Variants in PKIG observed in about 807,000 individuals in gnomAD.
The protein encoded by PKIG is protein kinase (cAMP-dependent, catalytic) inhibitor gamma.
A neutral mutation model predicts 6.8 loss-of-function variants in PKIG; 1 was observed. That is an observed-to-expected ratio of 0.15 (90% CI 0.05 to 0.69). The LOEUF is 0.69. Among genes scored for constraint, PKIG ranks in the 30% least tolerant of loss-of-function variants. PKIG has a pLI of 0.82. For synonymous variants in PKIG, 39 were observed against 43.0 expected (o/e 0.91, Z 0.36); for missense variants, 77 against 104.0 (o/e 0.74, Z 1.13).
chr20:44,546,564 T>C (rs1235789226), intron 1 of PKIG, among the ~76,000 whole-genome samples: 1 of 151,486 alleles, frequency 6.6e-6, no homozygotes, highest in African/African-American at 2.4e-5. Flanking sequence ...TGAGTTCTTT[T>C]TTTTTTGAGA....
In PKIG at chr20:44,576,116, C is replaced by T. The variant is rs140566024; in HGVS notation, c.-240-6469C>T. ...AGTTCAGAAGACGTGGTGCTTTTTACAAAAAGTATGTTAATGTTTTACCAT... is the reference window on the plus strand; with the variant it reads ...AGTTCAGAAGACGTGGTGCTTTTTATAAAAAGTATGTTAATGTTTTACCAT... On this transcript the variant is annotated intron_variant, in intron 1 of 4. Coordinates refer to the PKIG transcript ENST00000372887. Among the ~76,000 whole-genome samples the T allele has an allele frequency of 8.0e-5, 12 of 150,940 alleles. No homozygotes were observed. The East Asian group carries it at 2.3e-3, about 29-fold the overall frequency.
At position 44,614,805 on chromosome 20, in the gene PKIG, A is replaced by G; in HGVS notation, c.151+98A>G. The G allele has an allele frequency of 2.4e-6, 3 of 1,254,852 alleles. No individual in the cohort carries two copies. The highest frequency in any genetic ancestry group is 3.3e-6 in the Non-Finnish European group (3 of 899,936). The allele number at this position is 1,254,852 out of a possible 1,614,324, so 77.7% of individuals were successfully genotyped here. Reference sequence around the variant, plus strand: ...TCCTAGACTGCCCATACTTTCTTAGAGAAGAAACCACATTTAAGTCAGGCC... The same window carrying G: ...TCCTAGACTGCCCATACTTTCTTAGGGAAGAAACCACATTTAAGTCAGGCC... On this transcript the variant is annotated intron_variant, in intron 3 of 3. Coordinates refer to ENST00000372886, the MANE Select transcript of PKIG (RefSeq NM_001281445.2). The surrounding 1 kb of genome is among the most constrained non-coding windows in gnomAD (Gnocchi z 4.6).
chr20:44,538,109 G>A lies in PKIG; in HGVS notation c.-241+6131G>A, dbSNP rs117166557. ...AGGAACTCTTACAAAATGAAAATTT[G>A]GAGGGTCCAGATGGATTCAGCCCGT... On this transcript the variant is annotated intron_variant, in intron 1 of 4. Coordinates refer to the PKIG transcript ENST00000372887. 3.1e-3 allele frequency among the ~76,000 whole-genome samples: 475 copies of A among 152,260 alleles called. 1 individual carries two copies. Among genetic ancestry groups the A allele is most frequent in the Non-Finnish European group, 5.4e-3 (370 of 68,022 alleles).
intron 1 of PKIG, among the ~76,000 whole-genome samples, chr20:44,564,513 A>G (rs903043757): frequency 1.3e-5 from 2 of 151,162 alleles, no homozygotes; most frequent in Non-Finnish European, 2.9e-5. Flanking sequence ...GCTTCATTTT[A>G]TGTATAAGCT....
chr20:44,574,270 T>C (rs1409715946), intron 1 of PKIG, among the ~76,000 whole-genome samples: 1 of 152,196 alleles, frequency 6.6e-6, no homozygotes, highest in Admixed American at 6.5e-5. Flanking sequence ...CCCAAGGGCA[T>C]ACACTTTTGA....
chr20:44,533,026 A>G (rs1168537853), intron 1 of PKIG, among the ~76,000 whole-genome samples: 2 of 152,178 alleles, frequency 1.3e-5, no homozygotes, highest in African/African-American at 2.4e-5. Context: ...GTGGGAAGCC[A>G]TCAAAGGGTT....
rs1319285529 is a variant in PKIG, at chr20:44,618,990, A to AT, written c.*627dup. ...GACCACCTCTGCCCTGTCCACCAGGATAAGTGACACCTAGGACCCAGGAAA... is the reference window on the plus strand; with the variant it reads ...GACCACCTCTGCCCTGTCCACCAGGATTAAGTGACACCTAGGACCCAGGAAA... On this transcript the variant is annotated 3_prime_UTR_variant, in exon 4 of 4. Transcript: ENST00000372886. 1 of 154,078 alleles carries AT rather than the reference A, an allele frequency of 6.5e-6. No individual in the cohort carries two copies. The highest frequency in any genetic ancestry group is 1.4e-5 in the Non-Finnish European group (1 of 69,042). 9.5% of individuals were successfully genotyped at this position (154,078 alleles called of 1,614,324 possible). A position where few individuals can be genotyped will look rare whatever the true frequency, so the allele number is the denominator to read the frequency against.
chr20:44,618,372 C>T lies in PKIG; in HGVS notation c.*8C>T, dbSNP rs758316165. 1.3e-5 allele frequency: 21 copies of T among 1,598,084 alleles called. No homozygotes were observed. The East Asian group carries it at 4.2e-4, about 32-fold the overall frequency. On this transcript the variant is annotated 3_prime_UTR_variant, in exon 4 of 4. Coordinates refer to ENST00000372886, the MANE Select transcript of PKIG (RefSeq NM_001281445.2). ...GGGACCACCTCGTCTTGAATCTGAC[C>T]TTGTCCAAGAAGGCTGGACGAGAGA... is the stretch of plus-strand genomic sequence containing the variant.
intron 2 of PKIG, among the ~76,000 whole-genome samples, chr20:44,592,954 T>C (rs1057415040): frequency 6.6e-6 from 1 of 152,100 alleles, no homozygotes; most frequent in Non-Finnish European, 1.5e-5. Flanking sequence ...CAAATAATCC[T>C]AAAATTCCTA....
chr20:44,579,360 G>C (rs1022074957), upstream of PKIG, among the ~76,000 whole-genome samples: 1 of 152,242 alleles, frequency 6.6e-6, no homozygotes, highest in Non-Finnish European at 1.5e-5. Context: ...TGATGCTGCT[G>C]TCTGTGAAAA....
chr20:44,560,655 C>G (rs1042722232), intron 1 of PKIG, among the ~76,000 whole-genome samples: 35 of 152,174 alleles, frequency 2.3e-4, no homozygotes, highest in Non-Finnish European at 1.3e-4. Flanking sequence ...AATGGAACCC[C>G]TAAGGGCATA....
At chr20:44,544,727 C>CAT (rs1266653142) in intron 1 of PKIG, among the ~76,000 whole-genome samples, 3 of 152,164 alleles carry the variant, frequency 2.0e-5, no homozygotes, top group African/African-American at 7.2e-5. Flanking sequence ...TAGCTGTACA[C>CAT]ATTGCCATTC....
intron 1 of PKIG, among the ~76,000 whole-genome samples, chr20:44,547,833 G>T (rs2064629898): frequency 6.6e-6 from 1 of 152,088 alleles, no homozygotes; most frequent in African/African-American, 2.4e-5. Flanking sequence ...TCAGGAATTT[G>T]AGACCAGCCT....
At chr20:44,603,971 A>G (rs1487949849) in intron 2 of PKIG, among the ~76,000 whole-genome samples, 3 of 151,514 alleles carry the variant, frequency 2.0e-5, no homozygotes, top group Admixed American at 2.0e-4. Flanking sequence ...GGATGAGCCA[A>G]CTGATGTTGG....
At chr20:44,605,510 T>G (rs7264750) in intron 2 of PKIG, among the ~76,000 whole-genome samples, 5,672 of 151,244 alleles carry the variant, frequency 0.038, 144 homozygotes, top group Middle Eastern at 0.068. Context: ...GATGGATTAC[T>G]CCACAAATGA....
At chr20:44,611,794 C>T (rs1481438761) in intron 2 of PKIG, among the ~76,000 whole-genome samples, 1 of 152,014 alleles carries the variant, frequency 6.6e-6, no homozygotes, top group East Asian at 1.9e-4. Context: ...ACTGGGATTA[C>T]AGGTGTGAGC....
chr20:44,532,982 A>T (rs1319772910), intron 1 of PKIG, among the ~76,000 whole-genome samples: 1 of 152,142 alleles, frequency 6.6e-6, no homozygotes, highest in East Asian at 1.9e-4. Flanking sequence ...AAAGACTGTA[A>T]GTGTGGAGGA....
At chr20:44,609,435 C>A (rs2065194001) in intron 2 of PKIG, among the ~76,000 whole-genome samples, 1 of 152,208 alleles carries the variant, frequency 6.6e-6, no homozygotes, top group African/African-American at 2.4e-5. Flanking sequence ...CTCCACGGTG[C>A]ACGGAGGCCC....
upstream of PKIG, among the ~76,000 whole-genome samples, chr20:44,578,605 C>T (rs2064920429): frequency 6.6e-6 from 1 of 152,162 alleles, no homozygotes; most frequent in Admixed American, 6.5e-5. Context: ...TCCTTTCCCT[C>T]TACCATGTCT....
Sources: gnomAD v4.1 joint callset for allele counts (sites outside exome capture counted in the v4.1 genomes callset) on GRCh38, gnomAD v4.1.1 for gene constraint, Gnocchi (gnomAD v3.1) non-coding constraint, MANE v1.5 for transcripts, NCBI Gene and HGNC (gene_info 2026-07-23, HGNC 2026-07-21) for gene names.